Variants in THOC5 observed in about 807,000 individuals in gnomAD.
THOC5 encodes Fms-interacting protein.
In THOC5, 43 loss-of-function variants were observed where a neutral mutation model predicts 92.9. That is an observed-to-expected ratio of 0.46 (90% CI 0.36 to 0.60). The LOEUF is 0.60. THOC5 is among the 20% of genes least tolerant of loss of function. The pLI is 0.00. For missense variants in THOC5, 659 were observed against 849.4 expected (o/e 0.78, Z 2.79); for synonymous variants, 296 against 320.1 (o/e 0.92, Z 0.80).
At chr22:29,524,015 T>C (rs2063495673) in intron 12 of THOC5, among the ~76,000 whole-genome samples, 1 of 152,160 alleles carries the variant, frequency 6.6e-6, no homozygotes, top group South Asian at 2.1e-4. Context: ...CGATAATTGG[T>C]TGTATGCTCC....
At chr22:29,540,947 T>A (rs1326525912) in intron 5 of THOC5, among the ~76,000 whole-genome samples, 1 of 152,150 alleles carries the variant, frequency 6.6e-6, no homozygotes, top group East Asian at 1.9e-4. Flanking sequence ...CTGGGCACAG[T>A]GGCTCATGCC....
chr22:29,531,513 A>C (rs775429759), intron 8 of THOC5: 73 of 1,094,362 alleles, frequency 6.7e-5, no homozygotes, highest in Non-Finnish European at 7.5e-5. Context: ...CACTGATCTA[A>C]CTGCCAAGCG....
intron 2 of THOC5, among the ~76,000 whole-genome samples, 176 bp from the exon 3 acceptor site, chr22:29,544,779 C>T (rs1450339760): frequency 6.6e-6 from 1 of 152,160 alleles, no homozygotes; most frequent in Admixed American, 6.6e-5. Flanking sequence ...AAAATAGAAA[C>T]CTCTTTTGCT....
intron 12 of THOC5, among the ~76,000 whole-genome samples, chr22:29,525,492 C>T (rs532558083): frequency 3.3e-5 from 5 of 150,588 alleles, no homozygotes; most frequent in Non-Finnish European, 5.9e-5. Flanking sequence ...GAAAGAGTGG[C>T]CTGAATTTGG....
rs1601395935 is a variant in THOC5 at position 29,519,101 on chromosome 22, T to C, written c.1394A>G (p.His465Arg). The C allele has an allele frequency of 3.1e-6, 5 of 1,610,634 alleles. No individual in the cohort carries two copies. The highest frequency in any genetic ancestry group is 4.2e-6 in the Non-Finnish European group (5 of 1,178,468). Residue 465 changes from histidine (H) to arginine (R), a missense_variant, in exon 15 of 20, where the codon CAC (histidine) becomes CGC (arginine). Coordinates refer to ENST00000490103, the MANE Select transcript of THOC5 (RefSeq NM_003678.5). Reference sequence around the variant, plus strand: ...CTCCATGTGGCTGGCGCTCAGCGAGTGGTCAGCAATCACTGTTTGCTGTGA... The same window carrying C: ...CTCCATGTGGCTGGCGCTCAGCGAGCGGTCAGCAATCACTGTTTGCTGTGA... ...EQPQQTVIADHSLSASHMETT... is the reference protein window; with the variant it reads ...EQPQQTVIADRSLSASHMETT...
chr22:29,524,604 G>A (rs1465586121), intron 12 of THOC5, among the ~76,000 whole-genome samples: 3 of 152,190 alleles, frequency 2.0e-5, no homozygotes, highest in Non-Finnish European at 4.4e-5. Context: ...GCCCTGGACA[G>A]TGTAACTGGG....
At chr22:29,529,067 A>T in intron 9 of THOC5, 95 bp downstream of exon 9, 2 of 1,233,380 alleles carry the variant, frequency 1.6e-6, no homozygotes, top group Non-Finnish European at 2.4e-6. Context: ...GCTTCCTGCT[A>T]CACAGAACTA....
At chr22:29,525,216 C>T (rs756631067) in intron 12 of THOC5, among the ~76,000 whole-genome samples, 1 of 152,140 alleles carries the variant, frequency 6.6e-6, no homozygotes, top group Non-Finnish European at 1.5e-5. Flanking sequence ...TTTGAGGCCA[C>T]AGTGAGCTAT....
intron 7 of THOC5, 66 bp downstream of exon 7, chr22:29,536,558 G>A (rs1017996753): frequency 1.0e-6 from 1 of 959,526 alleles, no homozygotes. Flanking sequence ...AAGCCCAAAG[G>A]GTGACATGAC....
Position 29,511,163 on chromosome 22 carries a change from T to C in THOC5, c.1931A>G (p.Asp644Gly). 1 of 1,614,180 alleles carries C rather than the reference T, an allele frequency of 6.2e-7. No individual in the cohort carries two copies. The highest frequency in any genetic ancestry group is 8.5e-7 in the Non-Finnish European group (1 of 1,180,038). Residue 644 changes from aspartate (D) to glycine (G), a missense_variant, in exon 19 of 20, where the codon GAC (aspartate) becomes GGC (glycine). Asp to Gly is a moderately conservative substitution (Grantham distance 94). Coordinates refer to ENST00000490103, the MANE Select transcript of THOC5 (RefSeq NM_003678.5). Reference sequence around the variant, plus strand: ...AAATTCCTTGGGCCCCTCCACACTGTCGTCATGGCTCTCGGTCTCCAGGTA... The same window carrying C: ...AAATTCCTTGGGCCCCTCCACACTGCCGTCATGGCTCTCGGTCTCCAGGTA... The part of the protein sequence containing the change: ...DVYLETESHD[D>G]SVEGPKEFPQ...
At chr22:29,542,637 G>A (rs999382921) in intron 5 of THOC5, among the ~76,000 whole-genome samples, 3 of 152,080 alleles carry the variant, frequency 2.0e-5, no homozygotes, top group African/African-American at 4.8e-5. Context: ...GGAGGTGGGC[G>A]CCTGCAATCC....
chr22:29,518,707 TG>T (rs1263975306), intron 15 of THOC5, among the ~76,000 whole-genome samples: 2 of 152,222 alleles, frequency 1.3e-5, no homozygotes, highest in Non-Finnish European at 2.9e-5. Flanking sequence ...CATCAAAATC[TG>T]CAATGCATGA....
Position 29,508,516 on chromosome 22 carries a change from G to C in THOC5, c.1993C>G (p.Pro665Ala). Reference sequence around the variant, plus strand: ...TATTTAAATGGCTTCATCCTGCTAGGACCCCTAGAGAAATAGGAGAACGGA... The same window carrying C: ...TATTTAAATGGCTTCATCCTGCTAGCACCCCTAGAGAAATAGGAGAACGGA... ...EKMCLRLFRG[P>A]SRMKPFKYNH... Residue 665 changes from proline (P) to alanine (A), a missense_variant, in exon 20 of 20, where the codon CCT (proline) becomes GCT (alanine). Pro to Ala is a conservative substitution (Grantham distance 27). Transcript: ENST00000490103. The C allele has an allele frequency of 6.2e-7, 1 of 1,613,744 alleles. No homozygotes were observed. The highest frequency in any genetic ancestry group is 8.5e-7 in the Non-Finnish European group (1 of 1,179,668).
chr22:29,542,909 C>A lies in THOC5; in HGVS notation c.402G>T (p.Leu134Phe). 1 of 1,613,522 alleles carries A rather than the reference C, an allele frequency of 6.2e-7. No individual in the cohort carries two copies. Among genetic ancestry groups the A allele is most frequent in the Non-Finnish European group, 8.5e-7 (1 of 1,179,738 alleles). Residue 134 changes from leucine (L) to phenylalanine (F), a missense_variant, in exon 5 of 20, where the codon TTG (leucine) becomes TTT (phenylalanine). Coordinates refer to ENST00000490103, the MANE Select transcript of THOC5 (RefSeq NM_003678.5). Reference protein sequence around the residue: ...DAYHLQLQNLLYEVMHLQKEI... With the variant: ...DAYHLQLQNLFYEVMHLQKEI... The stretch of plus-strand genomic sequence containing the variant: ...CCTTCTGTAGGTGCATCACCTCATA[C>A]AACAGGTTCTGGAGCTGCAGATGAT...
At chr22:29,535,663 G>C (rs2063745765) in intron 7 of THOC5, 1 of 152,128 alleles carries the variant, frequency 6.6e-6, no homozygotes, top group Non-Finnish European at 1.5e-5. Context: ...TATTTAACCT[G>C]TACCCTATTT....
intron 6 of THOC5, among the ~76,000 whole-genome samples, chr22:29,539,128 A>G (rs575628331): frequency 6.6e-6 from 1 of 151,478 alleles, no homozygotes; most frequent in African/African-American, 2.4e-5. Context: ...AAAAAAAAAA[A>G]AAACCCTTAA....
chr22:29,544,837 A>ATCAAAGATT (rs1450850217), intron 2 of THOC5, among the ~76,000 whole-genome samples: 5 of 152,198 alleles, frequency 3.3e-5, no homozygotes, highest in Non-Finnish European at 7.4e-5. Flanking sequence ...TTCAGAATAT[A>ATCAAAGATT]CAGAGGAGTA....
At chr22:29,552,310 T>G (rs1028007781) in intron 1 of THOC5, among the ~76,000 whole-genome samples, 20 of 144,706 alleles carry the variant, frequency 1.4e-4, no homozygotes, top group African/African-American at 5.2e-4. Context: ...GAGCACCTCT[T>G]CCCGGACCCC....
intron 12 of THOC5, among the ~76,000 whole-genome samples, chr22:29,524,581 C>G (rs886973880): frequency 6.6e-5 from 10 of 152,256 alleles, no homozygotes; most frequent in African/African-American, 1.9e-4. Flanking sequence ...TGGAACTCCT[C>G]AATGAACTGA....
Sources: gnomAD v4.1 joint callset for allele counts (sites outside exome capture counted in the v4.1 genomes callset) on GRCh38, gnomAD v4.1.1 for gene constraint, MANE v1.5 for transcripts, NCBI Gene and HGNC (gene_info 2026-07-23, HGNC 2026-07-21) for gene names.